Variants in SBNO1 observed in about 807,000 individuals in gnomAD.
SBNO1 encodes protein strawberry notch homolog 1.
A neutral mutation model predicts 173.6 loss-of-function variants in SBNO1; 23 were observed. The observed-to-expected ratio is 0.13, with a 90% CI of 0.10 to 0.19. The LOEUF (loss-of-function observed/expected upper bound fraction) is 0.19, where lower values mean the gene tolerates loss of function less well. Among genes scored for constraint, SBNO1 ranks in the 10% least tolerant of loss-of-function variants. The pLI, the probability that SBNO1 is intolerant of heterozygous loss-of-function variation, is 1.00. For synonymous variants in SBNO1, 632 were observed against 571.5 expected, an observed-to-expected ratio of 1.11 and a Z score of -1.51; for missense variants, 1,238 against 1,671.2, an observed-to-expected ratio of 0.74 and a Z score of 4.52.
intron 4 of SBNO1, 146 bp downstream of exon 4, chr12:123,345,112 T>C: frequency 6.0e-6 from 4 of 663,724 alleles, no homozygotes; most frequent in South Asian, 2.0e-5. Context: ...TCCCTTGAAT[T>C]GTGTTAAAGA....
intron 2 of SBNO1, among the ~76,000 whole-genome samples, 174 bp from the exon 3 acceptor site, chr12:123,348,307 G>T (rs11057287): frequency 0.95 from 145,102 of 152,358 alleles, 69,224 homozygotes; most frequent in Non-Finnish European, 0.96. Flanking sequence ...TCCACAAAAC[G>T]GTACTAACAA....
Position 123,348,007 on chromosome 12 carries a change from G to A in SBNO1, c.237+22C>T, listed in dbSNP as rs759227196. 1.5e-5 allele frequency: 22 copies of A among 1,437,342 alleles called. 1 individual carries two copies. Among genetic ancestry groups the A allele is most frequent in the South Asian group, 2.3e-5 (2 of 86,082 alleles). The allele number at this position is 1,437,342 out of a possible 1,614,324, so 89.0% of individuals were successfully genotyped here. ...ACTTCTAAACTATTTTAGAAGTAAC[G>A]ACGAATCTAAATCATTCTTACCCTC... On this transcript the variant is annotated intron_variant, in intron 3 of 31. Transcript: ENST00000602398.
chr12:123,338,871 A>AAC (rs1374736640), intron 5 of SBNO1, among the ~76,000 whole-genome samples: 7 of 143,076 alleles, frequency 4.9e-5, no homozygotes, highest in East Asian at 2.1e-4. Context: ...ACACCGTCTA[A>AAC]ACACACACAC....
At chr12:123,345,632 C>G in intron 3 of SBNO1, 62 bp from the exon 4 acceptor site, 1 of 1,378,532 alleles carries the variant, frequency 7.3e-7, no homozygotes, top group East Asian at 2.3e-5. Flanking sequence ...AAGCTTATAT[C>G]CACAAACCTG....
At chr12:123,315,687 CATTG>C (rs778795778) in intron 21 of SBNO1, 27 bp from the exon 22 acceptor site, 3 of 1,300,488 alleles carry the variant, frequency 2.3e-6, no homozygotes, top group East Asian at 4.6e-5. Context: ...TTTTAAAGAT[CATTG>C]ATTGTGTTCG....
At chr12:123,364,454 C>T (rs1409879725) in intron 1 of SBNO1, 13 of 985,394 alleles carry the variant, frequency 1.3e-5, no homozygotes. Flanking sequence ...GCCCCACGAG[C>T]GGCGACAGCG....
chr12:123,328,692 C>T (rs1254024852), intron 10 of SBNO1, 42 bp downstream of exon 10: 1 of 1,401,946 alleles, frequency 7.1e-7, no homozygotes, highest in Non-Finnish European at 9.5e-7. Flanking sequence ...TTATAATTTT[C>T]TTGTCGTTAA....
rs753275769 is a variant in SBNO1, at chr12:123,290,086, C to T, written c.*5822G>A. The T allele has an allele frequency of 2.6e-5, 4 of 152,202 alleles. No individual in the cohort carries two copies. Among genetic ancestry groups the T allele is most frequent in the Non-Finnish European group, 5.9e-5 (4 of 68,044 alleles). 9.4% of individuals were successfully genotyped at this position (152,202 alleles called of 1,614,324 possible). On this transcript the variant is annotated 3_prime_UTR_variant, in exon 32 of 32. Coordinates refer to ENST00000602398, the MANE Select transcript of SBNO1 (RefSeq NM_001167856.3). The stretch of plus-strand genomic sequence containing the variant: ...GGGCTTCTTCTTTTCCTTGCTTAGC[C>T]CTGCACTAAGGGGCAGTCTTGCTGG...
chr12:123,309,471 A>T lies in SBNO1; in HGVS notation c.3537+18T>A. 1 of 1,606,872 alleles carries T rather than the reference A, an allele frequency of 6.2e-7. No individual in the cohort carries two copies. Among genetic ancestry groups the T allele is most frequent in the Non-Finnish European group, 8.5e-7 (1 of 1,173,454 alleles). On this transcript the variant is annotated intron_variant, in intron 27 of 31. Transcript: ENST00000602398. ...ATCTCATGGGAAGACGATACTTCAC[A>T]ACATTTTCTAAACTTACTGTGTATA...
At position 123,330,765 on chromosome 12, in the gene SBNO1, G is replaced by C. The variant is rs144230631; in HGVS notation, c.1044-256C>G. On this transcript the variant is annotated intron_variant, in intron 8 of 31. Transcript: ENST00000602398. ...AGCCTGAGCAACACAAGAAGAGCCC[G>C]TATCTACAAAAAATTAGCCAAGCAT... Among the ~76,000 whole-genome samples the C allele has an allele frequency of 4.1e-4, 63 of 151,964 alleles. No homozygotes were observed. In the South Asian group the frequency reaches 6.4e-3, roughly 16 times the overall value.
intron 24 of SBNO1, among the ~76,000 whole-genome samples, chr12:123,313,350 G>A (rs1593345316): frequency 6.6e-6 from 1 of 151,478 alleles, no homozygotes; most frequent in Non-Finnish European, 1.5e-5. Flanking sequence ...TTTACTCAAT[G>A]TACTAAAACA....
chr12:123,304,491 C>T (rs1417951653), intron 29 of SBNO1, 91 bp downstream of exon 29: 2 of 991,346 alleles, frequency 2.0e-6, no homozygotes, highest in Non-Finnish European at 1.5e-6. Flanking sequence ...CCACCTCGGC[C>T]TCCCAAAGTG....
At chr12:123,297,937 T>C (rs752161264) in intron 31 of SBNO1, 41 bp downstream of exon 31, 10 of 1,591,312 alleles carry the variant, frequency 6.3e-6, no homozygotes, top group Non-Finnish European at 8.6e-6. Context: ...TCGGATCCGA[T>C]TTTTTCCTGC....
At chr12:123,324,386 ATCT>A (rs1243161597) in intron 15 of SBNO1, among the ~76,000 whole-genome samples, 1 of 150,376 alleles carries the variant, frequency 6.6e-6, no homozygotes, top group Non-Finnish European at 1.5e-5. Context: ...CAATGGTGCC[ATCT>A]CAGCTCACTG....
At chr12:123,364,098 C>T (rs1451880680) in intron 1 of SBNO1, 1 of 985,402 alleles carries the variant, frequency 1.0e-6, no homozygotes, top group Non-Finnish European at 1.2e-6. Flanking sequence ...CTAAGCGAGT[C>T]GCCTGGAGAG....
At chr12:123,318,967 GTTTT>G (rs575457621) in intron 20 of SBNO1, among the ~76,000 whole-genome samples, 2 of 135,720 alleles carry the variant, frequency 1.5e-5, no homozygotes, top group Non-Finnish European at 3.2e-5. Context: ...CTAAGGGAAC[GTTTT>G]TTTTTTTTTT....
chr12:123,290,935 A>G lies in SBNO1; in HGVS notation c.*4973T>C, dbSNP rs2048503139. 6.7e-6 allele frequency: 1 copy of G among 149,632 alleles called. No individual in the cohort carries two copies. The highest frequency in any genetic ancestry group is 1.5e-5 in the Non-Finnish European group (1 of 67,598). The allele number at this position is 149,632 out of a possible 1,614,324, so 9.3% of individuals were successfully genotyped here. Reference sequence around the variant, plus strand: ...TTTTTTTTTTGTATTTTTAGTAGAGACGGGGTTTCACCGTGTTAGCCAGGA... The same window carrying G: ...TTTTTTTTTTGTATTTTTAGTAGAGGCGGGGTTTCACCGTGTTAGCCAGGA... On this transcript the variant is annotated 3_prime_UTR_variant, in exon 32 of 32. Coordinates refer to ENST00000602398, the MANE Select transcript of SBNO1 (RefSeq NM_001167856.3).
rs1382890059 is a variant in SBNO1, at chr12:123,345,504, T to C, written c.304A>G (p.Thr102Ala). ...GGTGGTGTTTTAGTCATTACAATTG[T>C]AGATCCCAAGGGTGGAAGATGATTT... Reference protein sequence around the residue: ...QINHLPPLGSTIVMTKTPPVT... With the variant: ...QINHLPPLGSAIVMTKTPPVT... The change falls in exon 4 of 32, where the codon ACA (threonine) becomes GCA (alanine). Residue 102 changes from threonine to alanine, a missense_variant. Transcript: ENST00000602398. The C allele has an allele frequency of 6.2e-7, 1 of 1,614,096 alleles. No individual in the cohort carries two copies.
chr12:123,310,992 T>C (rs549228135), intron 25 of SBNO1, 63 bp downstream of exon 25: 1 of 1,210,802 alleles, frequency 8.3e-7, no homozygotes, highest in East Asian at 2.3e-5. Context: ...CAAAAGCATA[T>C]ATCATAATGG....
Sources: gnomAD v4.1 joint callset for allele counts (sites outside exome capture counted in the v4.1 genomes callset) on GRCh38, gnomAD v4.1.1 for gene constraint, MANE v1.5 for transcripts, NCBI Gene and HGNC (gene_info 2026-07-23, HGNC 2026-07-21) for gene names.